The following XRN1 variants were observed in gnomAD, a reference collection of about 807,000 sequenced individuals.
The protein encoded by XRN1 is 5'-3' exoribonuclease 1.
XRN1 carries 67 observed loss-of-function variants against 222.3 expected under a neutral mutation model. The ratio of observed to expected loss-of-function variants is 0.30; its 90% CI spans 0.25 to 0.37. XRN1 has a LOEUF of 0.37. Among genes scored for constraint, XRN1 ranks in the 10% least tolerant of loss-of-function variants. The pLI, the probability that XRN1 is intolerant of heterozygous loss-of-function variation, is 1.00. For synonymous variants in XRN1, 643 were observed against 652.4 expected (o/e 0.99, Z 0.22); for missense variants, 1,707 against 2,000.2 (o/e 0.85, Z 2.80).
chr3:142,412,715 A>G (rs2068632760), intron 14 of XRN1, 52 bp from the exon 15 acceptor site: 1 of 1,310,404 alleles, frequency 7.6e-7, no homozygotes, highest in African/African-American at 1.5e-5. Flanking sequence ...ATATCAATAT[A>G]GTTTTTTGTT....
chr3:142,439,596 A>G (rs967662800), intron 1 of XRN1, among the ~76,000 whole-genome samples: 1 of 152,246 alleles, frequency 6.6e-6, no homozygotes, highest in African/African-American at 2.4e-5. Flanking sequence ...CTAATCTTAA[A>G]GGACAAGTTT....
chr3:142,371,206 T>TA (rs2066982116), intron 26 of XRN1, 33 bp downstream of exon 26: 1 of 1,528,424 alleles, frequency 6.5e-7, no homozygotes, highest in Non-Finnish European at 9.0e-7. Context: ...TGAATTGAAC[T>TA]ATGAGGTAAT....
At chr3:142,352,130 C>T (rs1053168948) in intron 32 of XRN1, among the ~76,000 whole-genome samples, 5 of 152,150 alleles carry the variant, frequency 3.3e-5, no homozygotes, top group African/African-American at 1.2e-4. Flanking sequence ...CTAAATTAAC[C>T]TTCTAACTAC....
intron 1 of XRN1, among the ~76,000 whole-genome samples, chr3:142,441,912 C>T (rs188169328): frequency 8.3e-4 from 126 of 152,258 alleles, no homozygotes; most frequent in Admixed American, 2.7e-3. Context: ...GCATACAATT[C>T]GTATACAATT....
At chr3:142,405,917 A>C (rs567444302) in intron 15 of XRN1, among the ~76,000 whole-genome samples, 288 of 152,340 alleles carry the variant, frequency 1.9e-3, no homozygotes, top group Non-Finnish European at 2.9e-3. Context: ...GAAGACAGAA[A>C]AAAAACGAAC....
intron 13 of XRN1, among the ~76,000 whole-genome samples, chr3:142,415,172 TTTTTG>T (rs959701617): frequency 1.3e-5 from 2 of 152,232 alleles, no homozygotes; most frequent in Admixed American, 6.5e-5. Flanking sequence ...ACACTAATTG[TTTTTG>T]TTTTTATTAC....
chr3:142,366,232 C>G (rs980925416), intron 27 of XRN1, among the ~76,000 whole-genome samples: 1 of 152,090 alleles, frequency 6.6e-6, no homozygotes, highest in African/African-American at 2.4e-5. Flanking sequence ...TAATTCTTAT[C>G]GAATTTTAAA....
chr3:142,417,231 T>C lies in XRN1; in HGVS notation c.1347-2A>G. 2.5e-6 allele frequency: 4 copies of C among 1,612,646 alleles called. No individual in the cohort carries two copies. The highest frequency in any genetic ancestry group is 3.4e-6 in the Non-Finnish European group (4 of 1,179,232). On this transcript the variant is annotated splice_acceptor_variant, in intron 12 of 40. Transcript: ENST00000392981. LOFTEE classifies it high-confidence loss of function. Reference sequence around the variant, plus strand: ...GCAGCTTGATCAGCCAGAAAGTCACTGAAAATAGAATATTTTCATTATAAC... The same window carrying C: ...GCAGCTTGATCAGCCAGAAAGTCACCGAAAATAGAATATTTTCATTATAAC...
At chr3:142,371,129 C>T (rs1347404050) in intron 26 of XRN1, 110 bp downstream of exon 26, 8 of 646,590 alleles carry the variant, frequency 1.2e-5, no homozygotes, top group Non-Finnish European at 1.9e-5. Context: ...GAACCTGTCT[C>T]AAAAAAAAAA....
chr3:142,443,440 GATCA>G (rs67305268), intron 1 of XRN1, among the ~76,000 whole-genome samples: 25,098 of 152,012 alleles, frequency 0.17, 2,213 homozygotes, highest in Middle Eastern at 0.27. Flanking sequence ...GCTCACACCT[GATCA>G]ATCAGAGAGC....
intron 35 of XRN1, 29 bp downstream of exon 35, chr3:142,332,938 C>T (rs1211138226): frequency 3.1e-6 from 5 of 1,609,744 alleles, no homozygotes; most frequent in Non-Finnish European, 4.2e-6. Flanking sequence ...GAAATTACCA[C>T]AGTAAGAAAG....
chr3:142,396,808 G>A (rs1399838734), intron 20 of XRN1, among the ~76,000 whole-genome samples: 2 of 152,174 alleles, frequency 1.3e-5, no homozygotes, highest in Non-Finnish European at 2.9e-5. Flanking sequence ...GAGAGGTGCT[G>A]CTGGGGTGGG....
At chr3:142,332,168 C>T (rs1028755680) in intron 36 of XRN1, among the ~76,000 whole-genome samples, 1 of 151,718 alleles carries the variant, frequency 6.6e-6, no homozygotes, top group African/African-American at 2.4e-5. Flanking sequence ...ACCTGTAATC[C>T]CAGCACTTTG....
chr3:142,319,795 A>G (rs2107869011), intron 37 of XRN1, among the ~76,000 whole-genome samples: 1 of 152,236 alleles, frequency 6.6e-6, no homozygotes, highest in Admixed American at 6.5e-5. Context: ...TTCACTTAGG[A>G]TAATGGCCCC....
chr3:142,344,375 TTAAAAA>T (rs924648990), intron 33 of XRN1, among the ~76,000 whole-genome samples: 13 of 151,944 alleles, frequency 8.6e-5, no homozygotes, highest in Admixed American at 7.2e-4. Flanking sequence ...TCCACAAAAA[TTAAAAA>T]TAAAAGATAA....
chr3:142,322,694 A>T (rs2065392436), intron 37 of XRN1, among the ~76,000 whole-genome samples: 1 of 151,696 alleles, frequency 6.6e-6, no homozygotes, highest in South Asian at 2.1e-4. Flanking sequence ...CAAACAAAAA[A>T]AAATTGTTTT....
At chr3:142,437,500 T>G (rs1419100376) in intron 1 of XRN1, among the ~76,000 whole-genome samples, 1 of 152,214 alleles carries the variant, frequency 6.6e-6, no homozygotes, top group Non-Finnish European at 1.5e-5. Flanking sequence ...CTACAAATCC[T>G]TAATAGCATA....
chr3:142,340,167 C>T (rs2065954314), intron 33 of XRN1, among the ~76,000 whole-genome samples: 1 of 152,090 alleles, frequency 6.6e-6, no homozygotes, highest in Admixed American at 6.6e-5. Flanking sequence ...ACCAGCCTGA[C>T]CAACATGGAG....
In XRN1 at chr3:142,315,512, C is replaced by CTT. The variant is rs67808281; in HGVS notation, c.4622-2756_4622-2755dup. 4.5e-4 allele frequency among the ~76,000 whole-genome samples: 64 copies of CTT among 140,766 alleles called. 1 individual carries two copies. The highest frequency in any genetic ancestry group is 1.6e-3 in the African/African-American group (62 of 38,062). 92.3% of individuals were successfully genotyped at this position (140,766 alleles called of 152,430 possible). A position where few individuals can be genotyped will look rare whatever the true frequency, so the allele number is the denominator to read the frequency against. ...TTGTACTAAAAAAGATTTTCTTTTT[C>CTT]TTTTTTTTTTTTTTGAGACAGAGTC... On this transcript the variant is annotated intron_variant, in intron 39 of 40. Coordinates refer to ENST00000392981, the MANE Select transcript of XRN1 (RefSeq NM_001282857.2).
Sources: allele counts gnomAD v4.1 joint callset (sites outside exome capture counted in the v4.1 genomes callset), GRCh38; gene constraint gnomAD v4.1.1; transcripts MANE v1.5; gene names NCBI Gene and HGNC (gene_info 2026-07-23, HGNC 2026-07-21).